Variants in NRXN1 observed in about 807,000 individuals in gnomAD.
NRXN1 encodes the protein neurexin 1.
Under a neutral mutation model 150.9 loss-of-function variants are expected in NRXN1, and 39 were observed. The observed-to-expected ratio is 0.26, with a 90% CI of 0.20 to 0.34. The LOEUF is 0.34. Ranked by LOEUF, NRXN1 falls within the 10% of genes least tolerant of loss-of-function variation. The pLI, the probability that NRXN1 is intolerant of heterozygous loss-of-function variation, is 1.00. For synonymous variants in NRXN1, 924 were observed against 757.0 expected (o/e 1.22, Z -3.62); for missense variants, 1,815 against 1,949.9 (o/e 0.93, Z 1.30).
chr2:50,447,056 A>G (rs2086478000), intron 17 of NRXN1, among the ~76,000 whole-genome samples: 1 of 152,124 alleles, frequency 6.6e-6, no homozygotes, highest in African/African-American at 2.4e-5. Context: ...AATGACTGCA[A>G]CTGTCATGTA....
intron 21 of NRXN1, among the ~76,000 whole-genome samples, chr2:49,979,905 G>GTTTTTTTTTT (rs1558627001): frequency 6.4e-5 from 3 of 47,148 alleles, no homozygotes; most frequent in Admixed American, 1.7e-4. Flanking sequence ...TTGTTTTTTT[G>GTTTTTTTTTT]GTTTTTTTTT....
At chr2:50,669,178 G>A (rs767268350) in intron 5 of NRXN1, among the ~76,000 whole-genome samples, 3 of 151,932 alleles carry the variant, frequency 2.0e-5, no homozygotes, top group Non-Finnish European at 2.9e-5. Context: ...GCATGTAGAA[G>A]GCAAGGCTCA....
At chr2:50,954,917 C>A (rs1692027847) in intron 2 of NRXN1, among the ~76,000 whole-genome samples, 2 of 152,090 alleles carry the variant, frequency 1.3e-5, no homozygotes, top group African/African-American at 4.8e-5. Context: ...GATTGGTGTA[C>A]AGCATTTTTG....
chr2:50,591,749 C>G (rs1674304568), intron 8 of NRXN1, among the ~76,000 whole-genome samples: 1 of 152,184 alleles, frequency 6.6e-6, no homozygotes, highest in Admixed American at 6.6e-5. Context: ...ACATGGTTCT[C>G]TTCCCTCAGT....
At chr2:50,169,219 G>C (rs2059867830) in intron 18 of NRXN1, among the ~76,000 whole-genome samples, 1 of 152,118 alleles carries the variant, frequency 6.6e-6, no homozygotes, top group Non-Finnish European at 1.5e-5. Flanking sequence ...ACAGAAAGCA[G>C]TAAAAGATCC....
intron 17 of NRXN1, among the ~76,000 whole-genome samples, chr2:50,283,514 A>C (rs1473083611): frequency 6.6e-6 from 1 of 152,186 alleles, no homozygotes; most frequent in African/African-American, 2.4e-5. Flanking sequence ...ATTTGAACAA[A>C]GAAGCTGAAC....
At chr2:50,908,955 C>A (rs971428610) in intron 5 of NRXN1, among the ~76,000 whole-genome samples, 2 of 151,956 alleles carry the variant, frequency 1.3e-5, no homozygotes, top group Admixed American at 6.6e-5. Flanking sequence ...GCCTGCAGAA[C>A]TATAAGAAAT....
chr2:51,007,053 C>T (rs1439108827), intron 2 of NRXN1, among the ~76,000 whole-genome samples: 2 of 151,840 alleles, frequency 1.3e-5, no homozygotes, highest in East Asian at 1.9e-4. Flanking sequence ...AATGACTTTA[C>T]GTATTACTTA....
chr2:50,739,878 CATAAT>C (rs1699223153), intron 5 of NRXN1, among the ~76,000 whole-genome samples: 1 of 151,992 alleles, frequency 6.6e-6, no homozygotes, highest in Non-Finnish European at 1.5e-5. Flanking sequence ...GTCATTGAAA[CATAAT>C]AGAATTTGGT....
intron 5 of NRXN1, among the ~76,000 whole-genome samples, chr2:50,636,423 T>C (rs1303988174): frequency 2.0e-5 from 3 of 152,142 alleles, no homozygotes; most frequent in East Asian, 1.9e-4. Context: ...TGATCTCCAA[T>C]GTTTCTTTCC....
intron 5 of NRXN1, among the ~76,000 whole-genome samples, chr2:50,875,639 TTC>T (rs1285000362): frequency 6.6e-6 from 1 of 151,766 alleles, no homozygotes; most frequent in Non-Finnish European, 1.5e-5. Context: ...GAGATTTTAT[TTC>T]TTTTCCCAAT....
At chr2:50,517,258 A>C (rs1409716445) in intron 12 of NRXN1, among the ~76,000 whole-genome samples, 1 of 152,142 alleles carries the variant, frequency 6.6e-6, no homozygotes, top group African/African-American at 2.4e-5. Context: ...TAGTAGTGAT[A>C]AAAGTAACTA....
chr2:50,799,864 T>G (rs567000899), intron 5 of NRXN1, among the ~76,000 whole-genome samples: 1 of 152,056 alleles, frequency 6.6e-6, no homozygotes, highest in African/African-American at 2.4e-5. Flanking sequence ...ACTCTAATCT[T>G]GTGACACTTT....
At chr2:50,452,321 C>T (rs777934878) in intron 17 of NRXN1, among the ~76,000 whole-genome samples, 2 of 152,034 alleles carry the variant, frequency 1.3e-5, no homozygotes, top group African/African-American at 4.8e-5. Context: ...GAGCCTTAAA[C>T]ATAAGTAAAA....
At chr2:50,583,832 T>G (rs535315966) in intron 8 of NRXN1, among the ~76,000 whole-genome samples, 1 of 152,294 alleles carries the variant, frequency 6.6e-6, no homozygotes, top group Admixed American at 6.5e-5. Flanking sequence ...ATGCAAAAAG[T>G]AAGATGATGA....
chr2:50,541,235 G>GA (rs1281665070), intron 9 of NRXN1, among the ~76,000 whole-genome samples: 2 of 152,160 alleles, frequency 1.3e-5, no homozygotes, highest in African/African-American at 4.8e-5. Flanking sequence ...CTCAGATGGG[G>GA]AAAAAAGCCC....
intron 8 of NRXN1, among the ~76,000 whole-genome samples, chr2:50,617,361 A>G (rs1450536827): frequency 6.6e-6 from 1 of 151,708 alleles, no homozygotes; most frequent in Non-Finnish European, 1.5e-5. Context: ...GCTTGAACCC[A>G]GGAGGTGGAG....
At chr2:50,776,633 GAT>G (rs146965004) in intron 5 of NRXN1, among the ~76,000 whole-genome samples, 90 of 141,880 alleles carry the variant, frequency 6.3e-4, no homozygotes, top group East Asian at 4.0e-3. Context: ...CATATAGTGA[GAT>G]ATATATATAT....
intron 2 of NRXN1, among the ~76,000 whole-genome samples, chr2:51,014,381 C>A (rs1668350770): frequency 1.3e-5 from 2 of 151,908 alleles, no homozygotes; most frequent in Non-Finnish European, 2.9e-5. Context: ...AGGATGCTAA[C>A]CATATGGATT....
Sources: gnomAD v4.1 joint callset for allele counts (sites outside exome capture counted in the v4.1 genomes callset) on GRCh38, gnomAD v4.1.1 for gene constraint, MANE v1.5 for transcripts, NCBI Gene and HGNC (gene_info 2026-07-23, HGNC 2026-07-21) for gene names.